The following ATF7 variants were observed in gnomAD, a reference collection of about 807,000 sequenced individuals.
The protein encoded by ATF7 is cyclic AMP-dependent transcription factor ATF-7.
ATF7 carries 10 observed loss-of-function variants against 50.4 expected under a neutral mutation model. That is an observed-to-expected ratio of 0.20 (90% CI 0.12 to 0.34). The LOEUF (loss-of-function observed/expected upper bound fraction) is 0.34. ATF7 is among the 10% of genes least tolerant of loss of function. ATF7 has a pLI of 1.00. For synonymous variants in ATF7, 201 were observed against 226.4 expected (o/e 0.89, Z 1.01); for missense variants, 465 against 613.9 (o/e 0.76, Z 2.56).
intron 2 of ATF7, among the ~76,000 whole-genome samples, chr12:53,582,410 A>T (rs1942469484): frequency 6.6e-6 from 1 of 150,706 alleles, no homozygotes; most frequent in African/African-American, 2.4e-5. Context: ...CCAAAGTGGG[A>T]GGATTGCTTG....
Position 53,552,560 on chromosome 12 carries a change from A to G in ATF7, c.126T>C (p.Thr42=), listed in dbSNP as rs768146781. 24 of 1,613,906 alleles carry G rather than the reference A, an allele frequency of 1.5e-5. No individual in the cohort carries two copies. The South Asian group carries it at 2.6e-4, about 18-fold the overall frequency. The change falls in exon 3 of 12, where the codon ACT becomes ACC. Residue 42 remains threonine, a synonymous_variant. Coordinates refer to ENST00000420353, the MANE Select transcript of ATF7 (RefSeq NM_006856.3). ...AAATACCTGCAATGATGACTGAGTC[A>G]GTTCGGGCTGGGCCAAATTTCAATG... ...EMTLKFGPAR[T]DSVIIADQTP...
intron 2 of ATF7, chr12:53,574,699 C>G (rs1941959198): frequency 6.2e-6 from 1 of 162,406 alleles, no homozygotes; most frequent in Non-Finnish European, 1.3e-5. Flanking sequence ...AGCACTAAAT[C>G]CTGGTTTATA....
At chr12:53,543,553 G>C (rs1939699114) in intron 3 of ATF7, 105 bp from the exon 4 acceptor site, 1 of 1,279,668 alleles carries the variant, frequency 7.8e-7, no homozygotes, top group Admixed American at 2.7e-5. Flanking sequence ...GATTTGGAGA[G>C]AGAGTCTTTG....
At chr12:53,545,667 T>A (rs1403911516) in intron 3 of ATF7, among the ~76,000 whole-genome samples, 1 of 152,172 alleles carries the variant, frequency 6.6e-6, no homozygotes, top group African/African-American at 2.4e-5. Context: ...CTGAATACTT[T>A]CTATATGTTT....
intron 2 of ATF7, among the ~76,000 whole-genome samples, chr12:53,598,946 G>T (rs1327957880): frequency 1.3e-5 from 2 of 152,272 alleles, no homozygotes; most frequent in African/African-American, 4.8e-5. Flanking sequence ...CTAAAAGCAA[G>T]AAGTGAAAAA....
intron 1 of ATF7, among the ~76,000 whole-genome samples, chr12:53,622,576 G>A (rs1944431900): frequency 6.6e-6 from 1 of 151,216 alleles, no homozygotes; most frequent in African/African-American, 2.4e-5. Context: ...AGCTGAGATT[G>A]TGCCACTGCA....
At chr12:53,616,335 G>A (rs951489853) in intron 1 of ATF7, among the ~76,000 whole-genome samples, 3 of 151,972 alleles carry the variant, frequency 2.0e-5, no homozygotes, top group African/African-American at 4.8e-5. Context: ...TAATCCTCCC[G>A]CGTTGGCCTC....
chr12:53,569,681 ATT>A (rs60334028), intron 2 of ATF7, among the ~76,000 whole-genome samples: 1 of 148,100 alleles, frequency 6.8e-6, no homozygotes, highest in East Asian at 2.0e-4. Context: ...TTTTTTTTTA[ATT>A]TTTTTTTTTG....
rs1429270250 is a variant in ATF7, at chr12:53,542,344, G to A, written c.264+986C>T. On this transcript the variant is annotated intron_variant, in intron 4 of 11. Coordinates refer to ENST00000420353, the MANE Select transcript of ATF7 (RefSeq NM_006856.3). ...CGGAAAGCTGAGGCAGGAAAATGGC[G>A]TGAACCTGGGAGGCGGAGCTTGCAG... 7.2e-5 allele frequency among the ~76,000 whole-genome samples: 11 copies of A among 151,758 alleles called. No individual in the cohort carries two copies. In the East Asian group the frequency reaches 1.6e-3, roughly 22 times the overall value.
At chr12:53,568,413 CTT>C (rs1491511062) in intron 2 of ATF7, among the ~76,000 whole-genome samples, 140 of 152,196 alleles carry the variant, frequency 9.2e-4, no homozygotes, top group African/African-American at 3.3e-3. Flanking sequence ...CTCTCTCTCT[CTT>C]TCTCTCTCTC....
downstream of ATF7, among the ~76,000 whole-genome samples, chr12:53,509,816 T>A (rs1944096088): frequency 6.6e-6 from 1 of 152,014 alleles, no homozygotes; most frequent in Admixed American, 6.6e-5. Flanking sequence ...CACTCCATAG[T>A]CTTTTTTGCT....
chr12:53,622,221 G>A (rs927469514), intron 1 of ATF7, among the ~76,000 whole-genome samples: 1 of 152,046 alleles, frequency 6.6e-6, no homozygotes, highest in Non-Finnish European at 1.5e-5. Flanking sequence ...AGAATCGCTT[G>A]AAACCGGAAG....
At chr12:53,609,236 CCT>C (rs1943742795) in intron 1 of ATF7, among the ~76,000 whole-genome samples, 1 of 151,344 alleles carries the variant, frequency 6.6e-6, no homozygotes, top group Admixed American at 6.6e-5. Flanking sequence ...CTCACCACAA[CCT>C]CTGCCTTCCA....
intron 3 of ATF7, among the ~76,000 whole-genome samples, chr12:53,548,610 G>C (rs1940106751): frequency 6.6e-6 from 1 of 152,178 alleles, no homozygotes; most frequent in Non-Finnish European, 1.5e-5. Flanking sequence ...TGGGATTATA[G>C]GTGTCAGCCA....
chr12:53,579,226 A>G (rs1942264544), intron 2 of ATF7, among the ~76,000 whole-genome samples: 1 of 152,028 alleles, frequency 6.6e-6, no homozygotes, highest in Non-Finnish European at 1.5e-5. Flanking sequence ...CCTGGGAGAC[A>G]GAGCAAGACT....
intron 2 of ATF7, among the ~76,000 whole-genome samples, chr12:53,584,451 G>C (rs1399794154): frequency 6.6e-6 from 1 of 152,172 alleles, no homozygotes; most frequent in African/African-American, 2.4e-5. Flanking sequence ...TTGGAAGACA[G>C]TTTGACAGTT....
Position 53,523,301 on chromosome 12 carries a change from T to C in ATF7, c.1209A>G (p.Leu403=). 3 of 1,613,650 alleles carry C rather than the reference T, an allele frequency of 1.9e-6. No individual in the cohort carries two copies. Among genetic ancestry groups the C allele is most frequent in the Non-Finnish European group, 2.5e-6 (3 of 1,179,616 alleles). ...CTAAATAGCCTTGAGTCTTTTTCTG[T>C]AGTGCAGTGACTGGGCAGTCTTTAT... ...LAHKDCPVTA[L]QKKTQGYLES... is the part of the protein sequence containing the mutation. Residue 403 remains leucine (L), a synonymous_variant, in exon 11 of 12, where the codon CTA becomes CTG. Transcript: ENST00000420353.
At chr12:53,548,208 G>T (rs1264646493) in intron 3 of ATF7, among the ~76,000 whole-genome samples, 1 of 151,918 alleles carries the variant, frequency 6.6e-6, no homozygotes, top group Non-Finnish European at 1.5e-5. Flanking sequence ...TGGGTCTCAT[G>T]TTGCCCAGGG....
chr12:53,614,072 A>T (rs1159462166), intron 1 of ATF7, among the ~76,000 whole-genome samples: 3 of 152,164 alleles, frequency 2.0e-5, no homozygotes, highest in African/African-American at 7.2e-5. Context: ...AGGCTGAATC[A>T]TAAGTTAGGC....
Sources: gnomAD v4.1 joint callset for allele counts (sites outside exome capture counted in the v4.1 genomes callset) on GRCh38, gnomAD v4.1.1 for gene constraint, MANE v1.5 for transcripts, NCBI Gene and HGNC (gene_info 2026-07-23, HGNC 2026-07-21) for gene names.